Variants in UNC13C observed in about 807,000 individuals in gnomAD.
UNC13C encodes the protein unc-13 homolog C.
In UNC13C, 174 loss-of-function variants were observed where a neutral mutation model predicts 245.4. The ratio of observed to expected loss-of-function variants is 0.71; its 90% CI spans 0.63 to 0.80. The LOEUF is 0.80. UNC13C is among the 30% of genes least tolerant of loss of function. UNC13C has a pLI of 0.00. For synonymous variants in UNC13C, 992 were observed against 895.1 expected, an observed-to-expected ratio of 1.11 and a Z score of -1.93; for missense variants, 2,829 against 2,602.9, an observed-to-expected ratio of 1.09 and a Z score of -1.89.
chr15:54,141,156 A>T (rs2031999366), intron 2 of UNC13C, among the ~76,000 whole-genome samples: 1 of 152,202 alleles, frequency 6.6e-6, no homozygotes, highest in East Asian at 1.9e-4. Flanking sequence ...ACTAGTTGCT[A>T]GTGTATAAGA....
chr15:54,219,397 T>C (rs1183046520), intron 4 of UNC13C, among the ~76,000 whole-genome samples: 3 of 152,302 alleles, frequency 2.0e-5, no homozygotes, highest in Non-Finnish European at 2.9e-5. Flanking sequence ...GCCAGCCATA[T>C]GTAGAAAGCT....
chr15:54,304,663 A>AC (rs2037679252), intron 13 of UNC13C, among the ~76,000 whole-genome samples: 1 of 151,486 alleles, frequency 6.6e-6, no homozygotes. Flanking sequence ...TAAAAAAAAA[A>AC]AAAAAAAAAC....
At position 54,203,501 on chromosome 15, in the gene UNC13C, T is replaced by C. The variant is rs187440460; in HGVS notation, c.3072-31529T>C. On this transcript the variant is annotated intron_variant, in intron 4 of 32. Coordinates refer to ENST00000260323, the MANE Select transcript of UNC13C (RefSeq NM_001080534.3). Reference sequence around the variant, plus strand: ...GTGTGTGTGTATATATATATATATATATACACACACACACACACATATATA... The same window carrying C: ...GTGTGTGTGTATATATATATATATACATACACACACACACACACATATATA... 5.2e-3 allele frequency among the ~76,000 whole-genome samples: 746 copies of C among 142,294 alleles called. 9 individuals carry two copies. Among genetic ancestry groups the C allele is most frequent in the African/African-American group, 0.019 (709 of 37,926 alleles). The allele number at this position is 142,294 out of a possible 152,430, so 93.4% of individuals were successfully genotyped here.
intron 29 of UNC13C, among the ~76,000 whole-genome samples, chr15:54,559,933 C>T (rs1003313666): frequency 6.6e-6 from 1 of 151,972 alleles, no homozygotes; most frequent in Non-Finnish European, 1.5e-5. Flanking sequence ...AGAATCTCAA[C>T]TTTAGTTTGT....
At chr15:53,953,288 G>C in the UNC13C span, among the ~76,000 whole-genome samples, 1 of 152,204 alleles carries the variant, frequency 6.6e-6, no homozygotes, top group Non-Finnish European at 1.5e-5. Flanking sequence ...ATGAGAAGTG[G>C]CTTTCCTTTT....
intron 4 of UNC13C, among the ~76,000 whole-genome samples, chr15:54,210,430 A>G (rs1041339612): frequency 8.6e-5 from 13 of 152,010 alleles, no homozygotes; most frequent in African/African-American, 3.1e-4. Context: ...CTGAAATGCA[A>G]TGCTATGTCA....
rs78011683 is a variant in UNC13C, at chr15:54,024,204, C to A, written c.2983+8318C>A. Among the ~76,000 whole-genome samples, 515 of 152,246 alleles carry A rather than the reference C, an allele frequency of 3.4e-3. 19 individuals carry two copies. The East Asian group carries it at 0.091, about 27-fold the overall frequency. On this transcript the variant is annotated intron_variant, in intron 2 of 32. Coordinates refer to ENST00000260323, the MANE Select transcript of UNC13C (RefSeq NM_001080534.3). Reference sequence around the variant, plus strand: ...TGCCACCTGGAGAGTACACGTCAGACCACAGATGATGGCTTCTAAAGCATT... The same window carrying A: ...TGCCACCTGGAGAGTACACGTCAGAACACAGATGATGGCTTCTAAAGCATT...
chr15:54,079,620 A>G lies in UNC13C; in HGVS notation c.2984-63398A>G, dbSNP rs182651000. ...TCATTTGGTTCTCAGCTTGAGCACT[A>G]TTGGTGTATGAAATGCAATTGATTT... On this transcript the variant is annotated intron_variant, in intron 2 of 32. Transcript: ENST00000260323. Among the ~76,000 whole-genome samples, 303 of 152,104 alleles carry G rather than the reference A, an allele frequency of 2.0e-3. 1 individual carries two copies. Among genetic ancestry groups the G allele is most frequent in the African/African-American group, 7.1e-3 (294 of 41,544 alleles).
chr15:54,416,507 A>C (rs1596345313), intron 19 of UNC13C, among the ~76,000 whole-genome samples: 1 of 152,082 alleles, frequency 6.6e-6, no homozygotes, highest in East Asian at 1.9e-4. Context: ...TTTCTTCTAC[A>C]GTTTATTAAT....
intron 19 of UNC13C, among the ~76,000 whole-genome samples, chr15:54,448,241 G>A (rs1315675888): frequency 6.6e-6 from 1 of 152,204 alleles, no homozygotes; most frequent in Non-Finnish European, 1.5e-5. Flanking sequence ...TGAGAAGAAT[G>A]TATATTCTGT....
At chr15:53,862,265 T>C in the UNC13C span, among the ~76,000 whole-genome samples, 1 of 152,100 alleles carries the variant, frequency 6.6e-6, no homozygotes, top group Non-Finnish European at 1.5e-5. Context: ...CAAGGGTGTT[T>C]ATTTCTGCAA....
chr15:53,960,004 A>C, the UNC13C span, among the ~76,000 whole-genome samples: 1 of 152,206 alleles, frequency 6.6e-6, no homozygotes, highest in Admixed American at 6.5e-5. Context: ...TACTTTTCCC[A>C]TTAAAAGTTT....
chr15:54,453,930 T>TC (rs929363153), intron 19 of UNC13C, among the ~76,000 whole-genome samples: 1 of 152,110 alleles, frequency 6.6e-6, no homozygotes, highest in Non-Finnish European at 1.5e-5. Context: ...ATTGTCAGTT[T>TC]CCCCCTCCCT....
intron 8 of UNC13C, among the ~76,000 whole-genome samples, chr15:54,252,790 A>C (rs62010058): frequency 0.025 from 3,779 of 152,264 alleles, 82 homozygotes; most frequent in East Asian, 0.073. Context: ...AATGTAAGAC[A>C]GTTCTATGAT....
At chr15:53,848,153 A>G in the UNC13C span, among the ~76,000 whole-genome samples, 2 of 141,364 alleles carry the variant, frequency 1.4e-5, no homozygotes, top group African/African-American at 2.5e-5. Flanking sequence ...TACTCTTTTT[A>G]AAGAACCAGT....
At chr15:54,235,422 T>G (rs2035666740) in intron 5 of UNC13C, among the ~76,000 whole-genome samples, 1 of 152,206 alleles carries the variant, frequency 6.6e-6, no homozygotes, top group South Asian at 2.1e-4. Context: ...TGTTTAGTGT[T>G]ATGAATGACC....
intron 10 of UNC13C, among the ~76,000 whole-genome samples, chr15:54,272,729 A>T (rs1023258713): frequency 6.6e-6 from 1 of 152,182 alleles, no homozygotes; most frequent in Non-Finnish European, 1.5e-5. Context: ...TTGAGCCATT[A>T]CCTATCCACA....
chr15:54,235,044 T>C lies in UNC13C; in HGVS notation c.3086T>C (p.Leu1029Pro), dbSNP rs1204029214. Reference protein sequence around the residue: ...LQVCGGAGGGLYGIDSMPDLR... With the variant: ...LQVCGGAGGGPYGIDSMPDLR... ...TTGTCTTTCAGGGCTGGAGGTGGACTTTATGGTATTGACAGCATGCCGGAT... is the reference window on the plus strand; with the variant it reads ...TTGTCTTTCAGGGCTGGAGGTGGACCTTATGGTATTGACAGCATGCCGGAT... Residue 1029 changes from leucine to proline, a missense_variant, in exon 5 of 33, where the codon CTT (leucine) becomes CCT (proline). By Grantham distance (98) the Leu-to-Pro change is moderately conservative. Coordinates refer to ENST00000260323, the MANE Select transcript of UNC13C (RefSeq NM_001080534.3). 7 of 1,613,834 alleles carry C rather than the reference T, an allele frequency of 4.3e-6. No individual in the cohort carries two copies. Among genetic ancestry groups the C allele is most frequent in the South Asian group, 1.1e-5 (1 of 91,086 alleles).
intron 17 of UNC13C, among the ~76,000 whole-genome samples, chr15:54,384,066 T>C (rs1336733856): frequency 6.6e-6 from 1 of 152,096 alleles, no homozygotes; most frequent in Non-Finnish European, 1.5e-5. Flanking sequence ...TTAATATTAT[T>C]GAAATGACCA....
Sources: allele counts gnomAD v4.1 joint callset (sites outside exome capture counted in the v4.1 genomes callset), GRCh38; gene constraint gnomAD v4.1.1; transcripts MANE v1.5; gene names NCBI Gene and HGNC (gene_info 2026-07-23, HGNC 2026-07-21).